The following PRKAG2 variants were observed in gnomAD, a reference collection of about 807,000 sequenced individuals.
PRKAG2 encodes 5'-AMP-activated protein kinase subunit gamma-2.
In PRKAG2, 26 loss-of-function variants were observed where a neutral mutation model predicts 69.6. That is an observed-to-expected ratio of 0.37 (90% CI 0.27 to 0.52). The LOEUF (loss-of-function observed/expected upper bound fraction) is 0.52, where lower values mean the gene tolerates loss of function less well. Among genes scored for constraint, PRKAG2 ranks in the 20% least tolerant of loss-of-function variants. PRKAG2 has a pLI of 0.90. For missense variants in PRKAG2, 557 were observed against 740.0 expected (o/e 0.75, Z 2.87); for synonymous variants, 293 against 285.0 (o/e 1.03, Z -0.28).
Position 151,845,579 on chromosome 7 carries a change from G to A in PRKAG2, c.114+30928C>T, listed in dbSNP as rs190765012. On this transcript the variant is annotated intron_variant, in intron 1 of 15. Coordinates refer to ENST00000287878, the MANE Select transcript of PRKAG2 (RefSeq NM_016203.4). The stretch of plus-strand genomic sequence containing the variant: ...GGCCCCACTTGGAAGTCTGGGCCCT[G>A]GCAGCATCAGGACTGACTCGTGGGG... Among the ~76,000 whole-genome samples the A allele has an allele frequency of 2.1e-4, 32 of 152,272 alleles. No individual in the cohort carries two copies. The East Asian group carries it at 6.0e-3, about 29-fold the overall frequency.
intron 1 of PRKAG2, among the ~76,000 whole-genome samples, chr7:151,827,617 C>T (rs1270347057): frequency 6.6e-6 from 1 of 151,988 alleles, no homozygotes; most frequent in African/African-American, 2.4e-5. Flanking sequence ...GAGAAAGGAA[C>T]ACAGTGGGTT....
chr7:151,775,103 G>A (rs554066204), intron 3 of PRKAG2, among the ~76,000 whole-genome samples: 12 of 152,366 alleles, frequency 7.9e-5, no homozygotes, highest in African/African-American at 2.6e-4. Context: ...GGCTCGTTGG[G>A]CCACGTGTGA....
rs1586540590 is a variant in PRKAG2 at position 151,788,435 on chromosome 7, T to A, written c.115-1894A>T. Among the ~76,000 whole-genome samples, 1 of 152,384 alleles carries A rather than the reference T, an allele frequency of 6.6e-6. No homozygotes were observed. The highest frequency in any genetic ancestry group is 1.9e-4 in the East Asian group (1 of 5,196). On this transcript the variant is annotated intron_variant, in intron 1 of 15. Transcript: ENST00000287878. This position sits in a 1 kb window ranked among gnomAD's most constrained non-coding sequence, Gnocchi z 4.6. ...GAAATGTCTATTCAGGCCATTTGTC[T>A]GACTTGTTTGGAGAAATGTCCATTC... is the stretch of plus-strand genomic sequence containing the variant.
intron 1 of PRKAG2, among the ~76,000 whole-genome samples, chr7:151,864,985 A>C (rs2080025735): frequency 6.6e-6 from 1 of 152,072 alleles, no homozygotes; most frequent in Non-Finnish European, 1.5e-5. Context: ...ATTAGATAAC[A>C]ATTTTATATA....
rs1466633190 is a variant in PRKAG2, at chr7:151,563,969, G to A, written c.1584+109C>T. ...GGAATCCCATCGACTGAACCTGGAG[G>A]CTGCCTCGCTGGGCCCTTCCTGAGA... On this transcript the variant is annotated intron_variant, in intron 14 of 15. Coordinates refer to ENST00000287878, the MANE Select transcript of PRKAG2 (RefSeq NM_016203.4). 7 of 1,475,042 alleles carry A rather than the reference G, an allele frequency of 4.7e-6. No homozygotes were observed. The African/African-American group carries it at 7.0e-5, about 15-fold the overall frequency. 91.4% of individuals were successfully genotyped at this position (1,475,042 alleles called of 1,614,324 possible). A position where few individuals can be genotyped will look rare whatever the true frequency, so the allele number is the denominator to read the frequency against.
chr7:151,729,893 T>A (rs1353345596), intron 3 of PRKAG2, among the ~76,000 whole-genome samples: 1 of 152,158 alleles, frequency 6.6e-6, no homozygotes, highest in Admixed American at 6.5e-5. Context: ...GACCTGGTGA[T>A]GAAAATACGT....
At chr7:151,760,486 G>A (rs974810503) in intron 3 of PRKAG2, among the ~76,000 whole-genome samples, 5 of 152,052 alleles carry the variant, frequency 3.3e-5, no homozygotes, top group South Asian at 2.1e-4. Context: ...CGCCCACCTC[G>A]GCCTGGCCTC....
At position 151,814,499 on chromosome 7, in the gene PRKAG2, G is replaced by C. The variant is rs543821521; in HGVS notation, c.115-27958C>G. The C allele has an allele frequency of 8.1e-7, 1 of 1,230,812 alleles. No homozygotes were observed. Among genetic ancestry groups the C allele is most frequent in the African/African-American group, 1.6e-5 (1 of 64,410 alleles). The allele number at this position is 1,230,812 out of a possible 1,614,324, so 76.2% of individuals were successfully genotyped here. On this transcript the variant is annotated intron_variant, in intron 1 of 15. Transcript: ENST00000287878. The surrounding 1 kb of genome is among the most constrained non-coding windows in gnomAD (Gnocchi z 4.8). The stretch of plus-strand genomic sequence containing the variant: ...TGTAAGCTGCTGGATGGCAGGATGC[G>C]AGTGACGGGGACGGGCGGCACTCCC...
chr7:151,715,322 CAAAAAAAAAAAAA>C (rs34971340), intron 3 of PRKAG2, among the ~76,000 whole-genome samples: 2 of 62,458 alleles, frequency 3.2e-5, no homozygotes, highest in African/African-American at 1.4e-4. Context: ...GGCCTAAAAG[CAAAAAAAAAAAAA>C]AAAAAAAAAA....
chr7:151,787,014 TC>T (rs1317961489), intron 1 of PRKAG2, among the ~76,000 whole-genome samples: 5 of 152,138 alleles, frequency 3.3e-5, no homozygotes, highest in Non-Finnish European at 1.5e-5. Flanking sequence ...TCTAATGACA[TC>T]GTGGCCAAAA....
intron 6 of PRKAG2, 46 bp from the exon 7 acceptor site, chr7:151,576,498 A>T: frequency 6.7e-7 from 1 of 1,483,036 alleles, no homozygotes; most frequent in Non-Finnish European, 9.4e-7. Context: ...AAGTCCAGGA[A>T]GAAAAATACC....
chr7:151,796,097 T>C (rs532249467), intron 1 of PRKAG2, among the ~76,000 whole-genome samples: 1 of 152,076 alleles, frequency 6.6e-6, no homozygotes, highest in Admixed American at 6.5e-5. Context: ...TTGGTTCTCC[T>C]TCTCTGCAGA....
rs1477484092 is a variant in PRKAG2 at position 151,868,354 on chromosome 7, T to TG, written c.114+8152dup. 2.6e-5 allele frequency among the ~76,000 whole-genome samples: 4 copies of TG among 152,234 alleles called. No individual in the cohort carries two copies. In the East Asian group the frequency reaches 7.7e-4, roughly 29 times the overall value. On this transcript the variant is annotated intron_variant, in intron 1 of 15. Coordinates refer to ENST00000287878, the MANE Select transcript of PRKAG2 (RefSeq NM_016203.4). ...TAATAGCTAACCCCTTCCTCTGGTC[T>TG]GGGGGCATAAGCCATGCAATGAGTA...
intron 3 of PRKAG2, among the ~76,000 whole-genome samples, chr7:151,687,035 T>C (rs1242381938): frequency 6.6e-6 from 1 of 152,222 alleles, no homozygotes; most frequent in East Asian, 1.9e-4. Flanking sequence ...AATAACATTC[T>C]GCACCTAGTT....
intron 1 of PRKAG2, among the ~76,000 whole-genome samples, chr7:151,819,799 C>A (rs1239215691): frequency 1.3e-5 from 2 of 152,214 alleles, no homozygotes. Context: ...GGCCCCAGAG[C>A]CCTCTGTCCA....
chr7:151,830,469 A>G (rs1370537009), intron 1 of PRKAG2, among the ~76,000 whole-genome samples: 3 of 151,974 alleles, frequency 2.0e-5, no homozygotes, highest in Non-Finnish European at 4.4e-5. Flanking sequence ...TGCACCTGGC[A>G]TCCGTCAGCA....
At chr7:151,876,027 T>C (rs2080390769) in intron 1 of PRKAG2, among the ~76,000 whole-genome samples, 3 of 142,194 alleles carry the variant, frequency 2.1e-5, no homozygotes. Flanking sequence ...GCTACACAGC[T>C]CCCCCCAACC....
chr7:151,630,255 T>A (rs543276133), intron 5 of PRKAG2, among the ~76,000 whole-genome samples: 1 of 152,290 alleles, frequency 6.6e-6, no homozygotes, highest in Non-Finnish European at 1.5e-5. Flanking sequence ...TATATCTGCT[T>A]AGAGAAATGC....
chr7:151,688,907 C>T (rs970016200), intron 3 of PRKAG2, among the ~76,000 whole-genome samples: 1 of 152,048 alleles, frequency 6.6e-6, no homozygotes, highest in African/African-American at 2.4e-5. Flanking sequence ...ACGTGGTTCC[C>T]CTCTCCTCCA....
Sources: allele counts gnomAD v4.1 joint callset (sites outside exome capture counted in the v4.1 genomes callset), GRCh38; gene constraint gnomAD v4.1.1; non-coding constraint Gnocchi (gnomAD v3.1); transcripts MANE v1.5; gene names NCBI Gene and HGNC (gene_info 2026-07-23, HGNC 2026-07-21).